The following TENM3 variants were observed in gnomAD, a reference collection of about 807,000 sequenced individuals.
TENM3 encodes teneurin-3.
Under a neutral mutation model 255.1 loss-of-function variants are expected in TENM3, and 63 were observed. The ratio of observed to expected loss-of-function variants is 0.25; its 90% CI spans 0.20 to 0.30. TENM3 has a LOEUF of 0.30. Among genes scored for constraint, TENM3 ranks in the 10% least tolerant of loss-of-function variants. The pLI is 1.00. For missense variants in TENM3, 2,929 were observed against 3,461.1 expected, an observed-to-expected ratio of 0.85 and a Z score of 3.86; for synonymous variants, 1,306 against 1,322.3, an observed-to-expected ratio of 0.99 and a Z score of 0.27.
At chr4:182,684,124 C>T (rs575723783) in intron 11 of TENM3, among the ~76,000 whole-genome samples, 58 of 150,968 alleles carry the variant, frequency 3.8e-4, no homozygotes, top group Non-Finnish European at 7.2e-4. Flanking sequence ...AGCAAAACTA[C>T]ACAGTTCATC....
chr4:182,495,515 A>G (rs79488230), intron 3 of TENM3, among the ~76,000 whole-genome samples: 1 of 151,254 alleles, frequency 6.6e-6, no homozygotes, highest in Admixed American at 6.6e-5. Context: ...GAAAAAAAAA[A>G]TGACTGTATG....
chr4:181,941,944 G>A, the TENM3 span, among the ~76,000 whole-genome samples: 22,075 of 152,102 alleles, frequency 0.15, 1,856 homozygotes, highest in African/African-American at 0.23. Context: ...AAAATTTCTC[G>A]CAGGAGACGC....
At chr4:182,491,865 T>C (rs1390565360) in intron 3 of TENM3, among the ~76,000 whole-genome samples, 2 of 152,174 alleles carry the variant, frequency 1.3e-5, no homozygotes, top group African/African-American at 2.4e-5. Flanking sequence ...TGCAGAACAG[T>C]AATTGGAAAG....
At chr4:181,541,746 C>G in the TENM3 span, among the ~76,000 whole-genome samples, 1 of 152,208 alleles carries the variant, frequency 6.6e-6, no homozygotes, top group Non-Finnish European at 1.5e-5. Flanking sequence ...CACAGCTCCT[C>G]CAAAATACTC....
At chr4:181,894,598 C>T in the TENM3 span, among the ~76,000 whole-genome samples, 8 of 152,114 alleles carry the variant, frequency 5.3e-5, no homozygotes, top group Middle Eastern at 3.4e-3. Context: ...GATTGGAAGT[C>T]GAACTTTTTC....
intron 1 of TENM3, among the ~76,000 whole-genome samples, chr4:182,166,898 A>G (rs1402959252): frequency 6.6e-6 from 1 of 152,098 alleles, no homozygotes; most frequent in African/African-American, 2.4e-5. Flanking sequence ...AAAGACTTAG[A>G]ATATCATAAA....
chr4:181,976,306 G>A, the TENM3 span: 1 of 152,236 alleles, frequency 6.6e-6, no homozygotes, highest in Non-Finnish European at 1.5e-5. Context: ...TTTTAGTAGA[G>A]GTGGGGTTTT....
intron 3 of TENM3, among the ~76,000 whole-genome samples, chr4:182,369,460 T>C (rs1766651302): frequency 6.6e-6 from 1 of 152,238 alleles, no homozygotes; most frequent in Non-Finnish European, 1.5e-5. Flanking sequence ...CTGTAGGTCC[T>C]CAGATTACGT....
chr4:182,239,053 G>C (rs1456790003), upstream of TENM3, among the ~76,000 whole-genome samples: 1 of 150,158 alleles, frequency 6.7e-6, no homozygotes, highest in Non-Finnish European at 1.5e-5. Context: ...GTGTGTGTGT[G>C]TGTGTGTGTG....
intron 6 of TENM3, among the ~76,000 whole-genome samples, chr4:182,672,265 A>G (rs1404990910): frequency 6.6e-6 from 1 of 152,232 alleles, no homozygotes; most frequent in African/African-American, 2.4e-5. Context: ...GCAGAGATCC[A>G]GGGAGAAAAG....
chr4:182,533,601 G>A (rs1185725434), intron 3 of TENM3, among the ~76,000 whole-genome samples: 1 of 150,750 alleles, frequency 6.6e-6, no homozygotes, highest in African/African-American at 2.4e-5. Flanking sequence ...GAAAATTGTT[G>A]TTACTCTCTT....
rs200677040 is a variant in TENM3, at chr4:182,437,951, C to CAAAT, written c.511+91042_511+91045dup. On this transcript the variant is annotated intron_variant, in intron 3 of 27. Coordinates refer to ENST00000511685, the MANE Select transcript of TENM3 (RefSeq NM_001080477.4). ...TGAGCAACAGAGCGAGATCCTGTCT[C>CAAAT]AAATAAATAAATAAATAAATAAAGC... Among the ~76,000 whole-genome samples the CAAAT allele has an allele frequency of 3.8e-3, 576 of 151,934 alleles. 2 individuals are homozygous for CAAAT. Among genetic ancestry groups the CAAAT allele is most frequent in the East Asian group, 0.017 (87 of 5,180 alleles).
At chr4:182,518,057 T>C (rs1035552954) in intron 3 of TENM3, among the ~76,000 whole-genome samples, 19 of 152,204 alleles carry the variant, frequency 1.2e-4, no homozygotes, top group African/African-American at 4.6e-4. Context: ...TTTCTTTTTC[T>C]TGTTCTTTTT....
At chr4:182,627,418 C>G (rs1020682492) in intron 4 of TENM3, among the ~76,000 whole-genome samples, 1 of 152,056 alleles carries the variant, frequency 6.6e-6, no homozygotes, top group Admixed American at 6.6e-5. Flanking sequence ...CTATTAGCCC[C>G]TTAATTTGTT....
the TENM3 span, among the ~76,000 whole-genome samples, chr4:181,550,621 A>G: frequency 3.3e-5 from 5 of 152,240 alleles, no homozygotes; most frequent in Admixed American, 1.3e-4. Context: ...GGCATTAAAA[A>G]TATGCCATGG....
chr4:181,996,510 G>A, the TENM3 span, among the ~76,000 whole-genome samples: 1 of 152,152 alleles, frequency 6.6e-6, no homozygotes, highest in East Asian at 1.9e-4. Context: ...AGTGAAAGGG[G>A]GAACATAGAG....
chr4:181,716,024 T>C, the TENM3 span, among the ~76,000 whole-genome samples: 2 of 152,216 alleles, frequency 1.3e-5, no homozygotes, highest in Non-Finnish European at 2.9e-5. Context: ...TCAGTTTACA[T>C]TTTTAAACTT....
intron 3 of TENM3, among the ~76,000 whole-genome samples, chr4:182,564,789 T>C (rs1743601164): frequency 6.6e-6 from 1 of 152,210 alleles, no homozygotes. Context: ...ACTCCTGCAA[T>C]GATCTAACAT....
the TENM3 span, among the ~76,000 whole-genome samples, chr4:181,987,485 T>C: frequency 6.6e-6 from 1 of 152,122 alleles, no homozygotes; most frequent in East Asian, 1.9e-4. Context: ...TGACAATCCT[T>C]TTACACAGCC....
Sources: gnomAD v4.1 joint callset for allele counts (sites outside exome capture counted in the v4.1 genomes callset) on GRCh38, gnomAD v4.1.1 for gene constraint, MANE v1.5 for transcripts, NCBI Gene and HGNC (gene_info 2026-07-23, HGNC 2026-07-21) for gene names.